SHOC2: variants seen among roughly 807,000 people sequenced by gnomAD.
SHOC2 encodes SHOC2 leucine rich repeat scaffold protein.
In SHOC2, 4 loss-of-function variants were observed where a neutral mutation model predicts 50.2. The ratio of observed to expected loss-of-function variants is 0.08; its 90% CI spans 0.04 to 0.18. The LOEUF is 0.18. Ranked by LOEUF, SHOC2 falls within the 10% of genes least tolerant of loss-of-function variation. The pLI, the probability that SHOC2 is intolerant of heterozygous loss-of-function variation, is 1.00. For missense variants in SHOC2, 388 were observed against 669.6 expected (o/e 0.58, Z 4.64); for synonymous variants, 218 against 244.5 (o/e 0.89, Z 1.01).
intron 2 of SHOC2, among the ~76,000 whole-genome samples, chr10:110,983,227 T>C (rs1485348749): frequency 6.6e-6 from 1 of 152,108 alleles, no homozygotes; most frequent in Non-Finnish European, 1.5e-5. Context: ...TTTTTATCTT[T>C]GTAAGTCATG....
intron 1 of SHOC2, among the ~76,000 whole-genome samples, chr10:110,961,742 G>A (rs1223479899): frequency 1.3e-5 from 2 of 151,932 alleles, no homozygotes; most frequent in East Asian, 1.9e-4. Flanking sequence ...CTAGTATTAT[G>A]GATTATGGGA....
chr10:111,007,962 A>T (rs919362234), intron 6 of SHOC2, among the ~76,000 whole-genome samples: 2 of 151,650 alleles, frequency 1.3e-5, no homozygotes, highest in South Asian at 4.2e-4. Context: ...CTGTTTAAAA[A>T]CTACACCATT....
At chr10:110,937,286 C>A in intron 1 of SHOC2, 1 of 749,036 alleles carries the variant, frequency 1.3e-6, no homozygotes, top group Non-Finnish European at 2.4e-6. Flanking sequence ...CCAATCCTGA[C>A]TCTGTGTTTC....
At chr10:110,919,841 G>T (rs2134060067) in intron 1 of SHOC2, among the ~76,000 whole-genome samples, 184 bp downstream of exon 1, 1 of 151,344 alleles carries the variant, frequency 6.6e-6, no homozygotes, top group South Asian at 2.1e-4. Flanking sequence ...CGCCGCCGCC[G>T]CTTTCCTGGT....
At chr10:110,922,778 A>C (rs1846681026) in intron 1 of SHOC2, among the ~76,000 whole-genome samples, 1 of 152,084 alleles carries the variant, frequency 6.6e-6, no homozygotes, top group African/African-American at 2.4e-5. Flanking sequence ...TCGTTTATAA[A>C]ATATCAATTA....
chr10:110,939,913 G>A (rs557596377), intron 1 of SHOC2, among the ~76,000 whole-genome samples: 1 of 152,144 alleles, frequency 6.6e-6, no homozygotes, highest in African/African-American at 2.4e-5. Context: ...TAATGGAAAA[G>A]TGGACTTAAA....
intron 1 of SHOC2, among the ~76,000 whole-genome samples, chr10:110,961,726 C>T (rs1847575830): frequency 1.3e-5 from 2 of 152,146 alleles, no homozygotes; most frequent in African/African-American, 4.8e-5. Context: ...ATTTCAGATA[C>T]AGTGGCTAGT....
At chr10:110,924,155 C>T (rs1846709745) in intron 1 of SHOC2, among the ~76,000 whole-genome samples, 1 of 152,154 alleles carries the variant, frequency 6.6e-6, no homozygotes, top group Non-Finnish European at 1.5e-5. Context: ...TTCACATTCA[C>T]CAATGTCATG....
chr10:111,000,605 A>G (rs932807548), intron 4 of SHOC2, 60 bp downstream of exon 4: 2 of 1,463,976 alleles, frequency 1.4e-6, no homozygotes, highest in East Asian at 4.6e-5. Flanking sequence ...ATTCAAGGAA[A>G]GCTAGTAAAT....
At chr10:110,982,892 G>C (rs925438362) in intron 2 of SHOC2, among the ~76,000 whole-genome samples, 6 of 152,078 alleles carry the variant, frequency 3.9e-5, no homozygotes, top group Non-Finnish European at 7.4e-5. Flanking sequence ...GGAAGACATT[G>C]CATAAAATCG....
intron 6 of SHOC2, among the ~76,000 whole-genome samples, chr10:111,007,863 A>G (rs1207319019): frequency 6.6e-6 from 1 of 152,062 alleles, no homozygotes; most frequent in Non-Finnish European, 1.5e-5. Flanking sequence ...GCCTACTACA[A>G]GTTGGTGTCT....
intron 1 of SHOC2, among the ~76,000 whole-genome samples, chr10:110,956,021 A>G (rs148981098): frequency 6.8e-4 from 103 of 152,322 alleles, no homozygotes; most frequent in African/African-American, 2.4e-3. Flanking sequence ...TTTTAATTAC[A>G]TGGGTCACAC....
At chr10:110,997,145 A>G (rs559648699) in intron 3 of SHOC2, among the ~76,000 whole-genome samples, 1 of 152,364 alleles carries the variant, frequency 6.6e-6, no homozygotes, top group Non-Finnish European at 1.5e-5. Flanking sequence ...AGCCAGAATT[A>G]AGTGAAATAA....
intron 2 of SHOC2, among the ~76,000 whole-genome samples, chr10:110,982,675 T>C (rs989914567): frequency 2.0e-5 from 3 of 152,138 alleles, no homozygotes; most frequent in African/African-American, 4.8e-5. Context: ...TGTCTGTTCA[T>C]GTCCTTTGCC....
chr10:111,000,676 A>G, intron 4 of SHOC2, 131 bp downstream of exon 4: 1 of 780,360 alleles, frequency 1.3e-6, no homozygotes, highest in Non-Finnish European at 2.1e-6. Context: ...TATGCTGTGA[A>G]TGTACCACCA....
chr10:110,932,307 T>C (rs75923730), intron 1 of SHOC2, among the ~76,000 whole-genome samples: 2,619 of 152,258 alleles, frequency 0.017, 77 homozygotes, highest in African/African-American at 0.06. Context: ...TCCTGAGGAC[T>C]CCCCTCAGTT....
rs991427941 is a variant in SHOC2 at position 110,925,087 on chromosome 10, A to T, written c.-235+5430A>T. Among the ~76,000 whole-genome samples, 106 of 147,970 alleles carry T rather than the reference A, an allele frequency of 7.2e-4. 1 individual carries two copies. In the East Asian group the frequency reaches 7.4e-3, roughly 10 times the overall value. On this transcript the variant is annotated intron_variant, in intron 1 of 8. Transcript: ENST00000369452. Reference sequence around the variant, plus strand: ...CTCTGTCTCAAAAAAAAAAAAAAAAAAAAAATTAAAATAAAAAGCAATACT... The same window carrying T: ...CTCTGTCTCAAAAAAAAAAAAAAAATAAAAATTAAAATAAAAAGCAATACT...
In SHOC2 at chr10:110,936,954, G is replaced by C. The variant is rs61740564; in HGVS notation, c.-235+17297G>C. 4,700 of 1,440,052 alleles carry C rather than the reference G, an allele frequency of 3.3e-3. 140 individuals carry two copies. The African/African-American group carries it at 0.06, about 18-fold the overall frequency. 89.2% of individuals were successfully genotyped at this position (1,440,052 alleles called of 1,614,324 possible). A position where few individuals can be genotyped will look rare whatever the true frequency, so the allele number is the denominator to read the frequency against. ...AGGCGGTCCAGAGCGGCCTGGCCTC[G>C]CTTGGTCTTGTGGGGCAGCATACTT... On this transcript the variant is annotated intron_variant, in intron 1 of 8. Coordinates refer to ENST00000369452, the MANE Select transcript of SHOC2 (RefSeq NM_007373.4).
rs1554859788 is a variant in SHOC2, at chr10:110,981,843, C to CTTAT, written c.704-3758_704-3755dup. 1.6e-4 allele frequency among the ~76,000 whole-genome samples: 20 copies of CTTAT among 125,874 alleles called. 4 individuals carry two copies. Among genetic ancestry groups the CTTAT allele is most frequent in the East Asian group, 7.7e-4 (3 of 3,886 alleles). The allele number at this position is 125,874 out of a possible 152,430, so 82.6% of individuals were successfully genotyped here. A position where few individuals can be genotyped will look rare whatever the true frequency, so the allele number is the denominator to read the frequency against. ...CTTTTATATTGTTGAATTCAGTTTT[C>CTTAT]TTATTTATTTATTTATTTATTTATT... On this transcript the variant is annotated intron_variant, in intron 2 of 8. Coordinates refer to ENST00000369452, the MANE Select transcript of SHOC2 (RefSeq NM_007373.4).
Sources: allele counts gnomAD v4.1 joint callset (sites outside exome capture counted in the v4.1 genomes callset), GRCh38; gene constraint gnomAD v4.1.1; transcripts MANE v1.5; gene names NCBI Gene and HGNC (gene_info 2026-07-23, HGNC 2026-07-21).